The following IFTAP variants were observed in gnomAD, a reference collection of about 807,000 sequenced individuals.
The protein encoded by IFTAP is intraflagellar transport associated protein, also known as intraflagellar transport-associated protein.
Under a neutral mutation model 19.4 loss-of-function variants are expected in IFTAP, and 19 were observed. The ratio of observed to expected loss-of-function variants is 0.98; its 90% CI spans 0.68 to 1.44. The LOEUF is 1.44. Ranked by LOEUF, IFTAP falls within the 40% of genes most tolerant of loss-of-function variation. IFTAP has a pLI of 0.00. For missense variants in IFTAP, 240 were observed against 253.6 expected (o/e 0.95, Z 0.36); for synonymous variants, 85 against 83.5 (o/e 1.02, Z -0.10).
In IFTAP at chr11:36,648,024, C is replaced by T. The variant is rs771307735; in HGVS notation, c.367C>T (p.Leu123=). The T allele has an allele frequency of 6.2e-7, 1 of 1,612,556 alleles. No individual in the cohort carries two copies. Among genetic ancestry groups the T allele is most frequent in the Non-Finnish European group, 8.5e-7 (1 of 1,179,176 alleles). The stretch of plus-strand genomic sequence containing the variant: ...TGTTTTGTATCCAACAGATTTGCTG[C>T]TGCTTCCAGGAGAAGTGGAGCAGGA... The part of the protein sequence containing the change: ...IKPQMSEDLL[L]LPGEVEQDVS... The change falls in exon 5 of 6, where the codon CTG becomes TTG. Residue 123 remains leucine (L), a synonymous_variant. Transcript: ENST00000334307.
At chr11:36,624,514 C>T (rs12421512) in intron 2 of IFTAP, among the ~76,000 whole-genome samples, 17,259 of 152,136 alleles carry the variant, frequency 0.11, 1,150 homozygotes, top group African/African-American at 0.17. Flanking sequence ...CATGTGCTTA[C>T]GATGACAGAA....
At chr11:36,628,562 T>A (rs1852607882) in intron 2 of IFTAP, among the ~76,000 whole-genome samples, 1 of 151,398 alleles carries the variant, frequency 6.6e-6, no homozygotes, top group Admixed American at 6.6e-5. Flanking sequence ...CAACAAGGAC[T>A]GAGTCTTAAC....
At chr11:36,624,565 A>C (rs911846342) in intron 2 of IFTAP, among the ~76,000 whole-genome samples, 2 of 152,216 alleles carry the variant, frequency 1.3e-5, no homozygotes, top group African/African-American at 4.8e-5. Context: ...TCATGGAACA[A>C]AGCCTACCCA....
At position 36,633,438 on chromosome 11, in the gene IFTAP, G is replaced by T; in HGVS notation, c.291G>T (p.Gln97His). 6.3e-7 allele frequency: 1 copy of T among 1,581,206 alleles called. No homozygotes were observed. The highest frequency in any genetic ancestry group is 1.2e-5 in the South Asian group (1 of 83,436). ...CTTCATCACAATGTTTGGAAGAACA[G>T]GTAATACCAACATAGTACATGTATA... The part of the protein sequence containing the change: ...LRTSSQCLEE[Q>H]VDNFLDLEDL... The change falls in exon 3 of 6, where the codon CAG becomes CAT. Residue 97 changes from glutamine to histidine, a missense_variant and splice_region_variant. By Grantham distance (24) the Gln-to-His change is conservative. Transcript: ENST00000334307.
chr11:36,600,181 A>G (rs924098968), intron 1 of IFTAP, among the ~76,000 whole-genome samples: 6 of 152,270 alleles, frequency 3.9e-5, no homozygotes, highest in Non-Finnish European at 1.5e-5. Context: ...GAAACTAAAT[A>G]TAAAATAGTA....
intron 4 of IFTAP, 29 bp downstream of exon 4, chr11:36,636,146 C>G: frequency 6.5e-7 from 1 of 1,528,860 alleles, no homozygotes; most frequent in Non-Finnish European, 9.0e-7. Flanking sequence ...TTCTATACTA[C>G]CTGACCTCTT....
At chr11:36,648,822 C>G (rs1457833433) in intron 5 of IFTAP, among the ~76,000 whole-genome samples, 2 of 152,272 alleles carry the variant, frequency 1.3e-5, no homozygotes, top group East Asian at 3.9e-4. Flanking sequence ...GGCTCACATT[C>G]CATTGGTGAC....
chr11:36,644,063 C>G (rs1853355459), intron 4 of IFTAP, among the ~76,000 whole-genome samples: 1 of 152,118 alleles, frequency 6.6e-6, no homozygotes, highest in Admixed American at 6.5e-5. Flanking sequence ...GAACAGGCAA[C>G]CTACAGAATG....
chr11:36,611,404 C>T (rs1851871254), intron 2 of IFTAP, among the ~76,000 whole-genome samples: 3 of 152,016 alleles, frequency 2.0e-5, no homozygotes, highest in Admixed American at 6.6e-5. Flanking sequence ...AAAAAACCTC[C>T]TCTGGTGCTT....
intron 3 of IFTAP, among the ~76,000 whole-genome samples, chr11:36,634,102 G>C (rs1412433538): frequency 6.6e-6 from 1 of 152,046 alleles, no homozygotes; most frequent in Non-Finnish European, 1.5e-5. Flanking sequence ...TACAGCAGAT[G>C]CCTATAATTC....
Position 36,597,437 on chromosome 11 carries a change from C to T in IFTAP, c.-24+2845C>T, listed in dbSNP as rs1320946427. ...CAGCTGAGGGAGGCTTCAAGGTCAA[C>T]ACATTAAAGATTCTTTGTAAAGGAC... On this transcript the variant is annotated intron_variant, in intron 1 of 5. Coordinates refer to ENST00000334307, the MANE Select transcript of IFTAP (RefSeq NM_138787.4). 7.9e-5 allele frequency among the ~76,000 whole-genome samples: 12 copies of T among 152,146 alleles called. 1 individual carries two copies.
At chr11:36,648,952 G>T (rs1185108404) in intron 5 of IFTAP, among the ~76,000 whole-genome samples, 1 of 152,102 alleles carries the variant, frequency 6.6e-6, no homozygotes, top group Non-Finnish European at 1.5e-5. Flanking sequence ...GTCATCTTTA[G>T]CTATCATTTT....
In IFTAP at chr11:36,640,669, A is replaced by G. The variant is rs765318026; in HGVS notation, c.358+4552A>G. ...TTGCCAATGATAAAATTGGCAATGG[A>G]TCAAGCGAAAATTAGATTTTTAGAG... On this transcript the variant is annotated intron_variant, in intron 4 of 5. Coordinates refer to ENST00000334307, the MANE Select transcript of IFTAP (RefSeq NM_138787.4). 1.2e-3 allele frequency among the ~76,000 whole-genome samples: 180 copies of G among 152,322 alleles called. 2 individuals are homozygous for G. The highest frequency in any genetic ancestry group is 2.3e-3 in the Non-Finnish European group (159 of 68,022).
At chr11:36,640,176 G>A (rs1187957755) in intron 4 of IFTAP, among the ~76,000 whole-genome samples, 1 of 152,170 alleles carries the variant, frequency 6.6e-6, no homozygotes, top group Non-Finnish European at 1.5e-5. Context: ...AAACCCTAAG[G>A]TTGGCAGGTC....
At chr11:36,601,886 A>T (rs981728507) in intron 1 of IFTAP, among the ~76,000 whole-genome samples, 1 of 152,208 alleles carries the variant, frequency 6.6e-6, no homozygotes, top group Non-Finnish European at 1.5e-5. Context: ...CTACTGGGCT[A>T]AAGTGATCCC....
At chr11:36,619,955 A>AGACATAGGCCATGG (rs55880806) in intron 2 of IFTAP, among the ~76,000 whole-genome samples, 72,554 of 151,290 alleles carry the variant, frequency 0.48, 20,040 homozygotes, top group East Asian at 0.77. Context: ...CTTTAACTGA[A>AGACATAGGCCATGG]GACATAGGCC....
chr11:36,595,797 G>T (rs1247383520), intron 1 of IFTAP, among the ~76,000 whole-genome samples: 1 of 152,266 alleles, frequency 6.6e-6, no homozygotes, highest in Non-Finnish European at 1.5e-5. Context: ...ATAAGGTCTA[G>T]TGCATACGCA....
At chr11:36,607,024 A>G (rs796176145) in intron 1 of IFTAP, among the ~76,000 whole-genome samples, 24 of 152,336 alleles carry the variant, frequency 1.6e-4, no homozygotes, top group African/African-American at 5.5e-4. Context: ...TTTCAGGTAC[A>G]AATAGCTTGA....
At chr11:36,611,441 G>A (rs1305772735) in intron 2 of IFTAP, among the ~76,000 whole-genome samples, 2 of 152,040 alleles carry the variant, frequency 1.3e-5, no homozygotes, top group Non-Finnish European at 2.9e-5. Flanking sequence ...GGTGAGAACA[G>A]GGAGTTCCAT....
Sources: gnomAD v4.1 joint callset for allele counts (sites outside exome capture counted in the v4.1 genomes callset) on GRCh38, gnomAD v4.1.1 for gene constraint, MANE v1.5 for transcripts, NCBI Gene and HGNC (gene_info 2026-07-23, HGNC 2026-07-21) for gene names.